WDR25: variants seen among roughly 807,000 people sequenced by gnomAD.
WDR25 encodes the protein WD repeat-containing protein 25.
A neutral mutation model predicts 47.7 loss-of-function variants in WDR25; 35 were observed. The ratio of observed to expected loss-of-function variants is 0.73; its 90% CI spans 0.56 to 0.97. WDR25 has a LOEUF of 0.97. Among genes scored for constraint, WDR25 ranks in the 50% least tolerant of loss-of-function variants. The probability of loss-of-function intolerance (pLI) is 0.00; values close to 1 mark genes in which losing one functional copy is unlikely to be tolerated. For synonymous variants in WDR25, 248 were observed against 278.9 expected (o/e 0.89, Z 1.10); for missense variants, 634 against 704.7 (o/e 0.90, Z 1.14).
intron 4 of WDR25, 66 bp downstream of exon 4, chr14:100,484,190 G>C: frequency 6.4e-7 from 1 of 1,556,004 alleles, no homozygotes; most frequent in Admixed American, 2.0e-5. Flanking sequence ...TGAATAATTG[G>C]GGGCAGGTCA....
In WDR25 at chr14:100,468,092, C is replaced by T. The variant is rs1899700816; in HGVS notation, c.894C>T (p.Ala298=). ...TGCACACAGAGGCAGTGCGGGCCGC[C>T]CGGTGGGCTCCCTGTGGCCGGCGCA... The part of the protein sequence containing the change: ...YSLHTEAVRA[A]RWAPCGRRIL... The change falls in exon 3 of 7, where the codon GCC becomes GCT. Residue 298 remains alanine (A), a synonymous_variant. Coordinates refer to ENST00000402312, the MANE Select transcript of WDR25 (RefSeq NM_001161476.3). This position sits in a 1 kb window ranked among gnomAD's most constrained non-coding sequence, Gnocchi z 4.5. 1 of 1,613,550 alleles carries T rather than the reference C, an allele frequency of 6.2e-7. No individual in the cohort carries two copies. The highest frequency in any genetic ancestry group is 8.5e-7 in the Non-Finnish European group (1 of 1,180,026).
chr14:100,509,392 G>C (rs1901225320), intron 4 of WDR25, among the ~76,000 whole-genome samples: 1 of 151,816 alleles, frequency 6.6e-6, no homozygotes. Flanking sequence ...TTAATGGCTG[G>C]GGTGTCTTCA....
In WDR25 at chr14:100,483,994, G is replaced by A; in HGVS notation, c.971G>A (p.Gly324Glu). The change falls in exon 4 of 7, where the codon GGA (glycine) becomes GAA (glutamate). Residue 324 changes from glycine to glutamate, a missense_variant and splice_region_variant. Coordinates refer to ENST00000402312, the MANE Select transcript of WDR25 (RefSeq NM_001161476.3). ...FALHLTDLET[G>E]TQLFSGRSDF... is the part of the protein sequence containing the mutation. ...CCTCTCTTCTCTTTTTGTGTTGTAG[G>A]AACCCAGCTATTTAGTGGTCGAAGT... 2 of 1,607,510 alleles carry A rather than the reference G, an allele frequency of 1.2e-6. No individual in the cohort carries two copies. Among genetic ancestry groups the A allele is most frequent in the Non-Finnish European group, 1.7e-6 (2 of 1,178,112 alleles).
At chr14:100,411,638 GC>G (rs1897711654) in intron 2 of WDR25, among the ~76,000 whole-genome samples, 1 of 151,586 alleles carries the variant, frequency 6.6e-6, no homozygotes, top group Non-Finnish European at 1.5e-5. Flanking sequence ...CCAGGTTCAA[GC>G]CATTCTCCTA....
chr14:100,511,745 A>G (rs1430357712), intron 4 of WDR25, among the ~76,000 whole-genome samples: 1 of 152,166 alleles, frequency 6.6e-6, no homozygotes, highest in Non-Finnish European at 1.5e-5. Context: ...GTTGTTTTGT[A>G]CATGTCCCTA....
chr14:100,435,568 A>G (rs1898475135), intron 2 of WDR25, among the ~76,000 whole-genome samples: 1 of 152,218 alleles, frequency 6.6e-6, no homozygotes, highest in Admixed American at 6.5e-5. Context: ...TGAAGTGGAG[A>G]GAGCCCTGGC....
At chr14:100,387,245 C>A (rs1179225729) in intron 2 of WDR25, among the ~76,000 whole-genome samples, 1 of 152,064 alleles carries the variant, frequency 6.6e-6, no homozygotes, top group African/African-American at 2.4e-5. Context: ...AGTTATAAAA[C>A]AAAGTGTAGA....
chr14:100,395,983 T>G (rs998110399), intron 2 of WDR25, among the ~76,000 whole-genome samples: 6 of 147,442 alleles, frequency 4.1e-5, no homozygotes, highest in Admixed American at 6.7e-5. Flanking sequence ...TTTTTTTTTT[T>G]TTTTTTTTTT....
At chr14:100,461,538 T>C (rs1899412611) in intron 2 of WDR25, among the ~76,000 whole-genome samples, 1 of 152,132 alleles carries the variant, frequency 6.6e-6, no homozygotes, top group Non-Finnish European at 1.5e-5. Context: ...GGAGACTCAA[T>C]ATTATTAAGG....
rs148579301 is a variant in WDR25 at position 100,390,913 on chromosome 14, G to A, written c.822+9167G>A. 2.8e-4 allele frequency among the ~76,000 whole-genome samples: 43 copies of A among 152,214 alleles called. 1 individual carries two copies. In the East Asian group the frequency reaches 7.3e-3, roughly 26 times the overall value. ...TTGAGAACCAAGTGAGTTCATTTAC[G>A]TACAGCTCTTTTAGAACGGGCCGGC... On this transcript the variant is annotated intron_variant, in intron 2 of 6. Coordinates refer to ENST00000402312, the MANE Select transcript of WDR25 (RefSeq NM_001161476.3).
chr14:100,377,601 C>T (rs1050141286), intron 1 of WDR25, among the ~76,000 whole-genome samples: 9 of 152,044 alleles, frequency 5.9e-5, no homozygotes, highest in South Asian at 2.1e-4. Flanking sequence ...TGAGCCACCG[C>T]GCCCGGTCGT....
At chr14:100,467,285 T>C (rs1899663829) in intron 2 of WDR25, among the ~76,000 whole-genome samples, 1 of 151,564 alleles carries the variant, frequency 6.6e-6, no homozygotes, top group Non-Finnish European at 1.5e-5. Flanking sequence ...ATGCCAGGGA[T>C]GCAGGCGAGC....
At chr14:100,472,194 C>T (rs1325912528) in intron 3 of WDR25, among the ~76,000 whole-genome samples, 2 of 152,230 alleles carry the variant, frequency 1.3e-5, no homozygotes, top group Non-Finnish European at 2.9e-5. Context: ...GGAGATTCCT[C>T]TTCCTGGAGC....
intron 4 of WDR25, among the ~76,000 whole-genome samples, chr14:100,509,328 A>G (rs934139710): frequency 1.3e-5 from 2 of 152,124 alleles, no homozygotes; most frequent in African/African-American, 2.4e-5. Context: ...GAATTTTTCC[A>G]TTTTATCTAA....
intron 2 of WDR25, among the ~76,000 whole-genome samples, chr14:100,393,993 G>A (rs1417148485): frequency 1.3e-5 from 2 of 152,210 alleles, no homozygotes; most frequent in Non-Finnish European, 2.9e-5. Context: ...ATTCTCATCT[G>A]TGAAATAATT....
chr14:100,382,851 A>T (rs1896937523), intron 2 of WDR25, among the ~76,000 whole-genome samples: 1 of 152,196 alleles, frequency 6.6e-6, no homozygotes, highest in Non-Finnish European at 1.5e-5. Context: ...CTAGTGTCTC[A>T]TTTGTAAAAG....
chr14:100,487,569 C>T (rs1328524979), intron 4 of WDR25: 1 of 152,168 alleles, frequency 6.6e-6, no homozygotes, highest in African/African-American at 2.4e-5. Context: ...ATCTGTCACC[C>T]TATTGATTGT....
chr14:100,432,103 C>A (rs570302362), intron 2 of WDR25, among the ~76,000 whole-genome samples: 1 of 152,282 alleles, frequency 6.6e-6, no homozygotes, highest in Admixed American at 6.5e-5. Flanking sequence ...ACTTGTACAT[C>A]CCAGTTTCAG....
chr14:100,530,073 C>G lies in WDR25; in HGVS notation c.*32C>G. On this transcript the variant is annotated 3_prime_UTR_variant, in exon 7 of 7. Transcript: ENST00000402312. ...TGTCACTGAACCTTCCCGATGCCAG[C>G]TGGGCTCTTGGACTCCCCTCTTCCT... 1.9e-6 allele frequency: 3 copies of G among 1,585,380 alleles called. No individual in the cohort carries two copies. The highest frequency in any genetic ancestry group is 1.7e-4 in the Middle Eastern group (1 of 5,958).
Sources: allele counts gnomAD v4.1 joint callset (sites outside exome capture counted in the v4.1 genomes callset), GRCh38; gene constraint gnomAD v4.1.1; non-coding constraint Gnocchi (gnomAD v3.1); transcripts MANE v1.5; gene names NCBI Gene and HGNC (gene_info 2026-07-23, HGNC 2026-07-21).